The following FAAP20 variants were observed in gnomAD, a reference collection of about 807,000 sequenced individuals.
The protein encoded by FAAP20 is FA core complex associated protein 20.
FAAP20 carries 12 observed loss-of-function variants against 16.2 expected under a neutral mutation model. That is an observed-to-expected ratio of 0.74 (90% CI 0.48 to 1.20). The LOEUF is 1.20. Ranked by LOEUF, FAAP20 falls within the 50% of genes most tolerant of loss-of-function variation. The pLI, the probability that FAAP20 is intolerant of heterozygous loss-of-function variation, is 0.00. For missense variants in FAAP20, 288 were observed against 245.8 expected, an observed-to-expected ratio of 1.17 and a Z score of -1.15; for synonymous variants, 141 against 110.7, an observed-to-expected ratio of 1.27 and a Z score of -1.72.
At chr1:2,200,966 G>A (rs560080895), upstream of FAAP20, 113 of 1,219,472 alleles carry the variant, frequency 9.3e-5, no homozygotes, top group Non-Finnish European at 1.1e-4. Context: ...ACGTTTTTAT[G>A]GGAAATCTGC....
intron 3 of FAAP20, among the ~76,000 whole-genome samples, chr1:2,206,041 G>T (rs1689247024): frequency 6.6e-6 from 1 of 152,286 alleles, no homozygotes; most frequent in Non-Finnish European, 1.5e-5. Context: ...GGGCGTCCCT[G>T]CACTGGGGCT....
chr1:2,198,710 C>T, upstream of FAAP20: 1 of 1,261,612 alleles, frequency 7.9e-7, no homozygotes, highest in South Asian at 1.3e-5. Context: ...TCCCATGTGG[C>T]TAAATGGCCC....
chr1:2,204,935 CATA>C, intron 3 of FAAP20, among the ~76,000 whole-genome samples: 1 of 131,162 alleles, frequency 7.6e-6, no homozygotes, highest in Admixed American at 7.4e-5. Flanking sequence ...TCGGGCCCCC[CATA>C]CCCCGCCCCT....
In FAAP20 at chr1:2,189,657, G is replaced by T. The variant is rs1381066301; in HGVS notation, c.*52C>A. The T allele has an allele frequency of 6.7e-7, 1 of 1,484,094 alleles. No homozygotes were observed. The allele number at this position is 1,484,094 out of a possible 1,614,324, so 91.9% of individuals were successfully genotyped here. On this transcript the variant is annotated 3_prime_UTR_variant, in exon 4 of 4. Coordinates refer to ENST00000378546, the MANE Select transcript of FAAP20 (RefSeq NM_182533.4). ...GGAGCCGAGAGGCGGGGCTGCTGGCGGGGGAGAGCGTGTCCGGGCGCCGCA... is the reference window on the plus strand; with the variant it reads ...GGAGCCGAGAGGCGGGGCTGCTGGCTGGGGAGAGCGTGTCCGGGCGCCGCA...
At chr1:2,192,494 T>G (rs1358079981) in intron 3 of FAAP20, 1 of 997,102 alleles carries the variant, frequency 1.0e-6, no homozygotes, top group Non-Finnish European at 1.2e-6. Flanking sequence ...TTAGACTATC[T>G]GGAAAAGCAG....
chr1:2,200,969 A>G (rs1414740048), upstream of FAAP20: 1 of 1,221,084 alleles, frequency 8.2e-7, no homozygotes, highest in African/African-American at 1.6e-5. Flanking sequence ...TTTTTATGGG[A>G]AATCTGCTGG....
intron 1 of FAAP20, 61 bp downstream of exon 1, chr1:2,194,627 C>T: frequency 5.3e-6 from 5 of 947,478 alleles, no homozygotes; most frequent in Admixed American, 5.1e-5. Context: ...CCCGCGGGGG[C>T]GCCGGGAAGC....
chr1:2,211,431 ATATATTTTTTTTTT>A (rs1689442327), downstream of FAAP20, among the ~76,000 whole-genome samples: 1 of 15,324 alleles, frequency 6.5e-5, no homozygotes, highest in Non-Finnish European at 9.6e-5. Flanking sequence ...ATATATATAT[ATATATTTTTTTTTT>A]TTTTTTTTTT....
At chr1:2,194,571 GC>G in intron 1 of FAAP20, 116 bp downstream of exon 1, 2 of 418,782 alleles carry the variant, frequency 4.8e-6, no homozygotes, top group Non-Finnish European at 6.9e-6. Flanking sequence ...TGGGGGCCGG[GC>G]CCGGGGGCAG....
At chr1:2,203,739 C>T, upstream of FAAP20, 2 of 706,574 alleles carry the variant, frequency 2.8e-6, no homozygotes, top group Non-Finnish European at 3.5e-6. Flanking sequence ...CCTCAGGCCT[C>T]AGGGCACCAC....
chr1:2,211,649 CTG>C (rs1036549907), downstream of FAAP20, among the ~76,000 whole-genome samples: 28 of 150,254 alleles, frequency 1.9e-4, no homozygotes, highest in African/African-American at 6.6e-4. Flanking sequence ...CGGGGTTTCA[CTG>C]TGTTAGCCAG....
downstream of FAAP20, among the ~76,000 whole-genome samples, chr1:2,207,257 G>A (rs538041731): frequency 6.6e-6 from 1 of 152,274 alleles, no homozygotes; most frequent in South Asian, 2.1e-4. Context: ...GTGCATCCAG[G>A]GTGTCTTGTC....
downstream of FAAP20, chr1:2,185,109 G>GC: frequency 3.4e-6 from 4 of 1,183,100 alleles, no homozygotes; most frequent in Non-Finnish European, 4.8e-6. Context: ...TCCGAGGGCG[G>GC]CCAGGGACAG....
At chr1:2,186,344 C>T, downstream of FAAP20, 1 of 199,068 alleles carries the variant, frequency 5.0e-6, no homozygotes, top group Non-Finnish European at 1.1e-5. Context: ...CGTGGCCCAC[C>T]CTACACACTC....
upstream of FAAP20, chr1:2,199,191 A>G: frequency 1.7e-6 from 2 of 1,171,454 alleles, no homozygotes; most frequent in African/African-American, 1.6e-5. This position sits in a 1 kb window ranked among gnomAD's most constrained non-coding sequence, Gnocchi z 4.5. Flanking sequence ...CTGGGCCAGC[A>G]TCCCCGACCA....
At chr1:2,207,925 T>C (rs879926512), downstream of FAAP20, among the ~76,000 whole-genome samples, 18,697 of 96,006 alleles carry the variant, frequency 0.19, 1,562 homozygotes, top group African/African-American at 0.29. Flanking sequence ...TGTGTGTGTG[T>C]GTGTGTGTGT....
Position 2,193,638 on chromosome 1 carries a change from C to T in FAAP20, c.470+1G>A, listed in dbSNP as rs1688502420. 4 of 1,595,030 alleles carry T rather than the reference C, an allele frequency of 2.5e-6. No homozygotes were observed. Among genetic ancestry groups the T allele is most frequent in the African/African-American group, 1.4e-5 (1 of 73,840 alleles). The stretch of plus-strand genomic sequence containing the variant: ...GCCGGGCGCAGGGGTGGCCTACTCA[C>T]CTGGGGGCGAACTCCTTCTGGCACA... On this transcript the variant is annotated splice_donor_variant, in intron 3 of 3. Transcript: ENST00000378546. LOFTEE classifies it high-confidence loss of function.
At chr1:2,203,757 G>T, upstream of FAAP20, 1 of 562,426 alleles carries the variant, frequency 1.8e-6, no homozygotes, top group Non-Finnish European at 2.3e-6. Context: ...CACACTACTT[G>T]CCTCCAGGGA....
upstream of FAAP20, among the ~76,000 whole-genome samples, chr1:2,195,513 G>A (rs1361740469): frequency 6.6e-6 from 1 of 152,254 alleles, no homozygotes. Flanking sequence ...AGGGTCAGGG[G>A]CCCTCGCCAG....
Sources: allele counts gnomAD v4.1 joint callset (sites outside exome capture counted in the v4.1 genomes callset), GRCh38; gene constraint gnomAD v4.1.1; non-coding constraint Gnocchi (gnomAD v3.1); transcripts MANE v1.5; gene names NCBI Gene and HGNC (gene_info 2026-07-23, HGNC 2026-07-21).